The following RARB variants were observed in gnomAD, a reference collection of about 807,000 sequenced individuals.
The protein encoded by RARB is HBV-activated protein.
RARB carries 17 observed loss-of-function variants against 51.9 expected under a neutral mutation model. The observed-to-expected ratio is 0.33, with a 90% confidence interval of 0.22 to 0.49. The LOEUF is 0.49. RARB is among the 20% of genes least tolerant of loss of function. The pLI is 0.99. For synonymous variants in RARB, 215 were observed against 195.4 expected (o/e 1.10, Z -0.84); for missense variants, 369 against 550.8 (o/e 0.67, Z 3.30).
intron 2 of RARB, among the ~76,000 whole-genome samples, chr3:24,974,595 A>C (rs1696470846): frequency 1.3e-5 from 2 of 152,158 alleles, no homozygotes; most frequent in African/African-American, 4.8e-5. Flanking sequence ...CTCTTAAATA[A>C]TGGTATTCCC....
chr3:24,985,652 G>A (rs927948520), intron 2 of RARB, among the ~76,000 whole-genome samples: 1 of 152,240 alleles, frequency 6.6e-6, no homozygotes, highest in Middle Eastern at 3.4e-3. Flanking sequence ...TGGAAAAAGG[G>A]GGTTTGGAAA....
At chr3:25,470,168 C>CTAAG (rs1360263991) in intron 2 of RARB, among the ~76,000 whole-genome samples, 3 of 152,040 alleles carry the variant, frequency 2.0e-5, no homozygotes, top group African/African-American at 7.3e-5. Context: ...CCTGGAACTT[C>CTAAG]TAAGTAAGTG....
rs902816395 is a variant in RARB at position 25,501,110 on chromosome 3, T to A, written c.307-72T>A. 8 of 1,499,246 alleles carry A rather than the reference T, an allele frequency of 5.3e-6. No homozygotes were observed. The African/African-American group carries it at 1.0e-4, about 19-fold the overall frequency. The allele number at this position is 1,499,246 out of a possible 1,614,324, so 92.9% of individuals were successfully genotyped here. ...TCAAAAAGAGCAATTAATGCATTGA[T>A]AAGGTTGGCTTTGATTTCTGATGAA... On this transcript the variant is annotated intron_variant, in intron 2 of 7. Transcript: ENST00000330688.
chr3:25,070,736 T>C lies in RARB; in HGVS notation c.-328+10560T>C, dbSNP rs1006881416. On this transcript the variant is annotated intron_variant, in intron 3 of 11. Coordinates refer to the RARB transcript ENST00000383772. ...AAAGTTCAAGGTAAAGCCTGTTTTT[T>C]ATGGAGCTTACATTCTCAAGGTATG... 3.3e-5 allele frequency among the ~76,000 whole-genome samples: 5 copies of C among 152,344 alleles called. No homozygotes were observed. In the East Asian group the frequency reaches 9.6e-4, roughly 29 times the overall value.
intron 2 of RARB, among the ~76,000 whole-genome samples, chr3:25,483,172 A>AG (rs1696313852): frequency 6.6e-6 from 1 of 152,214 alleles, no homozygotes; most frequent in African/African-American, 2.4e-5. Flanking sequence ...ACAGACATGG[A>AG]GCGAGAGGCA....
chr3:25,187,557 G>A (rs910100515), intron 5 of RARB, among the ~76,000 whole-genome samples: 1 of 151,834 alleles, frequency 6.6e-6, no homozygotes, highest in Admixed American at 6.6e-5. Context: ...AGGAGAAAGG[G>A]AAAGTTTTTT....
intron 3 of RARB, among the ~76,000 whole-genome samples, chr3:25,525,476 A>C (rs1431976580): frequency 2.0e-5 from 3 of 152,220 alleles, no homozygotes; most frequent in Non-Finnish European, 2.9e-5. Context: ...CCCCCTCAGC[A>C]AACATAGCTT....
At chr3:24,925,320 T>C (rs1196005917) in intron 2 of RARB, among the ~76,000 whole-genome samples, 1 of 152,116 alleles carries the variant, frequency 6.6e-6, no homozygotes, top group Admixed American at 6.6e-5. Flanking sequence ...GATTAATATT[T>C]TGCCATTTTG....
chr3:25,072,388 C>A (rs1004620384), intron 3 of RARB, among the ~76,000 whole-genome samples: 3 of 152,104 alleles, frequency 2.0e-5, no homozygotes, highest in Non-Finnish European at 4.4e-5. Context: ...CACTCTGTAA[C>A]CCCATGGTGG....
chr3:25,099,552 C>A lies in RARB; in HGVS notation c.-327-32609C>A, dbSNP rs189414124. 4.2e-4 allele frequency among the ~76,000 whole-genome samples: 63 copies of A among 150,234 alleles called. 2 individuals are homozygous for A. The South Asian group carries it at 0.01, about 24-fold the overall frequency. On this transcript the variant is annotated intron_variant, in intron 3 of 11. Transcript: ENST00000383772. ...TTACATCTTCTTAGATATTATTATA[C>A]TATTAACATTGTTCCATTACTGTCA...
intron 2 of RARB, among the ~76,000 whole-genome samples, chr3:24,971,753 G>A (rs1030962858): frequency 6.6e-6 from 1 of 151,898 alleles, no homozygotes; most frequent in Non-Finnish European, 1.5e-5. Flanking sequence ...CTTGGTATGC[G>A]CTGGCTATTT....
intron 2 of RARB, among the ~76,000 whole-genome samples, chr3:25,004,212 TGTA>T (rs1203574636): frequency 6.6e-6 from 1 of 152,122 alleles, no homozygotes; most frequent in African/African-American, 2.4e-5. Flanking sequence ...TTGTCCAGGT[TGTA>T]GTCACTTGGC....
intron 2 of RARB, among the ~76,000 whole-genome samples, chr3:25,045,422 T>C (rs1698195472): frequency 6.6e-6 from 1 of 151,960 alleles, no homozygotes; most frequent in South Asian, 2.1e-4. Flanking sequence ...ATCTGAGAGG[T>C]TTAAGTAAAT....
chr3:25,260,906 G>C (rs368845205), intron 5 of RARB, among the ~76,000 whole-genome samples: 1 of 152,120 alleles, frequency 6.6e-6, no homozygotes, highest in South Asian at 2.1e-4. Context: ...AATAGGACAT[G>C]AGACAGCAAA....
chr3:25,235,069 G>T (rs1702272169), intron 5 of RARB, among the ~76,000 whole-genome samples: 1 of 152,170 alleles, frequency 6.6e-6, no homozygotes, highest in African/African-American at 2.4e-5. Context: ...TTCTATCAGA[G>T]TTCTTACTGT....
chr3:25,547,435 C>G (rs114077711), intron 3 of RARB, among the ~76,000 whole-genome samples: 2 of 152,288 alleles, frequency 1.3e-5, no homozygotes, highest in African/African-American at 2.4e-5. Flanking sequence ...GCCATCTTCC[C>G]CCTTCCACTA....
intron 5 of RARB, among the ~76,000 whole-genome samples, chr3:25,329,712 C>A (rs1199557306): frequency 1.3e-5 from 2 of 151,948 alleles, no homozygotes; most frequent in Non-Finnish European, 2.9e-5. Context: ...ATAACAAACT[C>A]CTCCAAGCTA....
At chr3:25,435,889 C>T (rs934531405) in intron 1 of RARB, among the ~76,000 whole-genome samples, 14 of 151,986 alleles carry the variant, frequency 9.2e-5, no homozygotes, top group African/African-American at 1.7e-4. Context: ...TTACAGTAGT[C>T]GTGCCATGGA....
At chr3:25,184,660 G>C (rs1327015095) in intron 5 of RARB, among the ~76,000 whole-genome samples, 3 of 152,042 alleles carry the variant, frequency 2.0e-5, no homozygotes, top group Non-Finnish European at 4.4e-5. Flanking sequence ...ATTTATCTTT[G>C]AAAAATTATG....
Sources: allele counts gnomAD v4.1 joint callset (sites outside exome capture counted in the v4.1 genomes callset), GRCh38; gene constraint gnomAD v4.1.1; transcripts MANE v1.5; gene names NCBI Gene and HGNC (gene_info 2026-07-23, HGNC 2026-07-21).